GPC5: variants seen among roughly 807,000 people sequenced by gnomAD.
GPC5 encodes glypican-5.
GPC5 carries 47 observed loss-of-function variants against 53.9 expected under a neutral mutation model. The ratio of observed to expected loss-of-function variants is 0.87; its 90% CI spans 0.69 to 1.11. The LOEUF is 1.11. GPC5 is among the 50% of genes most tolerant of loss of function. The pLI, the probability that GPC5 is intolerant of heterozygous loss-of-function variation, is 0.00. For missense variants in GPC5, 748 were observed against 713.1 expected (o/e 1.05, Z -0.56); for synonymous variants, 286 against 263.3 (o/e 1.09, Z -0.84).
intron 2 of GPC5, among the ~76,000 whole-genome samples, chr13:91,653,262 T>C (rs1430789270): frequency 6.6e-6 from 1 of 152,182 alleles, no homozygotes; most frequent in Non-Finnish European, 1.5e-5. Context: ...GATCCTCACA[T>C]TTGGCTTTTA....
At chr13:92,044,979 A>G (rs974561453) in intron 6 of GPC5, among the ~76,000 whole-genome samples, 6 of 152,216 alleles carry the variant, frequency 3.9e-5, no homozygotes, top group Non-Finnish European at 8.8e-5. Context: ...AAATAGGTTC[A>G]TATTTCTGAA....
chr13:91,511,269 A>G (rs534874538), intron 2 of GPC5, among the ~76,000 whole-genome samples: 2 of 152,144 alleles, frequency 1.3e-5, no homozygotes, highest in African/African-American at 2.4e-5. Context: ...TTTTCCCTAT[A>G]TGGAATGCAT....
chr13:92,195,401 A>G (rs916590666), intron 7 of GPC5, among the ~76,000 whole-genome samples: 2 of 152,204 alleles, frequency 1.3e-5, no homozygotes, highest in African/African-American at 2.4e-5. Context: ...ATTTAATTTA[A>G]CCTTTAAAAT....
chr13:91,610,911 C>A (rs1169353556), intron 2 of GPC5, among the ~76,000 whole-genome samples: 1 of 152,116 alleles, frequency 6.6e-6, no homozygotes, highest in Non-Finnish European at 1.5e-5. Context: ...GATTCTGCAT[C>A]AAATTGAAGG....
chr13:91,522,126 G>T (rs1335289578), intron 2 of GPC5, among the ~76,000 whole-genome samples: 2 of 152,210 alleles, frequency 1.3e-5, no homozygotes, highest in African/African-American at 2.4e-5. Flanking sequence ...TCCAAACCCT[G>T]TCCTTTTTGA....
intron 4 of GPC5, among the ~76,000 whole-genome samples, chr13:91,733,513 G>C (rs912987897): frequency 6.6e-6 from 1 of 152,158 alleles, no homozygotes; most frequent in African/African-American, 2.4e-5. Context: ...TTGAGCAGTG[G>C]TGTGTAGTTC....
chr13:92,254,579 A>C (rs1023255420), intron 7 of GPC5, among the ~76,000 whole-genome samples: 6 of 152,170 alleles, frequency 3.9e-5, no homozygotes, highest in African/African-American at 1.4e-4. Flanking sequence ...GTATTAGTCC[A>C]TCTTCATGCT....
At position 91,712,929 on chromosome 13, in the gene GPC5, G is replaced by A. The variant is rs1187470783; in HGVS notation, c.1021-15603G>A. On this transcript the variant is annotated intron_variant, in intron 3 of 7. Coordinates refer to ENST00000377067, the MANE Select transcript of GPC5 (RefSeq NM_004466.6). ...CAAGCGGCCAGGTGCGGTGGCTCAC[G>A]CCTGTAATCCCAGCACTTTGGGAGG... Among the ~76,000 whole-genome samples the A allele has an allele frequency of 3.3e-5, 5 of 152,170 alleles. No individual in the cohort carries two copies. In the East Asian group the frequency reaches 9.6e-4, roughly 29 times the overall value.
At chr13:91,650,702 G>A (rs1026592520) in intron 2 of GPC5, among the ~76,000 whole-genome samples, 1 of 140,918 alleles carries the variant, frequency 7.1e-6, no homozygotes, top group Non-Finnish European at 1.5e-5. Flanking sequence ...TCCAGGGAAA[G>A]CAATTAGAAA....
At chr13:92,663,029 C>A (rs2139189022) in intron 7 of GPC5, among the ~76,000 whole-genome samples, 1 of 152,266 alleles carries the variant, frequency 6.6e-6, no homozygotes, top group East Asian at 1.9e-4. Context: ...TGAATGAACT[C>A]ACGCTAAGTA....
chr13:92,751,553 T>A (rs1196103315), intron 7 of GPC5, among the ~76,000 whole-genome samples: 2 of 142,852 alleles, frequency 1.4e-5, no homozygotes, highest in Admixed American at 1.5e-4. Context: ...GTCTTGGTCC[T>A]TCTAAATTGT....
rs150956988 is a variant in GPC5 at position 91,767,837 on chromosome 13, T to C, written c.1280+11417T>C. Reference sequence around the variant, plus strand: ...TTTTCCCATCTGTTTGGCACAGAAGTTGTTATCTCTTTGGGAGTACAGATT... The same window carrying C: ...TTTTCCCATCTGTTTGGCACAGAAGCTGTTATCTCTTTGGGAGTACAGATT... On this transcript the variant is annotated intron_variant, in intron 5 of 7. Transcript: ENST00000377067. 4.4e-3 allele frequency among the ~76,000 whole-genome samples: 677 copies of C among 152,330 alleles called. 4 individuals carry two copies. The highest frequency in any genetic ancestry group is 0.016 in the African/African-American group (656 of 41,558).
intron 2 of GPC5, among the ~76,000 whole-genome samples, chr13:91,581,431 C>G (rs1046130066): frequency 1.3e-5 from 2 of 152,156 alleles, no homozygotes; most frequent in African/African-American, 2.4e-5. Flanking sequence ...CCAGTTGACC[C>G]TTATACTCCT....
At chr13:92,525,224 C>T (rs1263403302) in intron 7 of GPC5, among the ~76,000 whole-genome samples, 3 of 151,946 alleles carry the variant, frequency 2.0e-5, no homozygotes, top group Non-Finnish European at 4.4e-5. Flanking sequence ...TTATGAATTT[C>T]TGCTGTTATT....
intron 5 of GPC5, among the ~76,000 whole-genome samples, chr13:91,844,019 T>G (rs1425425313): frequency 6.6e-6 from 1 of 152,114 alleles, no homozygotes; most frequent in Non-Finnish European, 1.5e-5. Context: ...GAAAATAATG[T>G]ATATTTGAGA....
chr13:91,775,149 C>T (rs559287338), intron 5 of GPC5, among the ~76,000 whole-genome samples: 54 of 152,274 alleles, frequency 3.5e-4, no homozygotes, highest in African/African-American at 1.3e-3. Context: ...AAGGAGTCAT[C>T]ATGAGAGATG....
At chr13:91,963,522 G>GT (rs2040146382) in intron 6 of GPC5, among the ~76,000 whole-genome samples, 1 of 152,094 alleles carries the variant, frequency 6.6e-6, no homozygotes, top group Admixed American at 6.6e-5. Context: ...AACAACCTTG[G>GT]TATCTATTGT....
intron 7 of GPC5, among the ~76,000 whole-genome samples, chr13:92,724,990 G>A (rs562137657): frequency 1.3e-5 from 2 of 150,876 alleles, no homozygotes; most frequent in Non-Finnish European, 3.0e-5. Flanking sequence ...CTCAACAAAT[G>A]AAATATTAAA....
chr13:92,035,204 G>C (rs2040883046), intron 6 of GPC5, among the ~76,000 whole-genome samples: 1 of 111,980 alleles, frequency 8.9e-6, no homozygotes, highest in African/African-American at 3.5e-5. Context: ...GACAGAGCGA[G>C]ACTCCGTCTC....
Sources: allele counts gnomAD v4.1 joint callset (sites outside exome capture counted in the v4.1 genomes callset), GRCh38; gene constraint gnomAD v4.1.1; transcripts MANE v1.5; gene names NCBI Gene and HGNC (gene_info 2026-07-23, HGNC 2026-07-21).